The following CDKL5 variants were observed in gnomAD, a reference collection of about 807,000 sequenced individuals.
The protein encoded by CDKL5 is cyclin dependent kinase like 5.
Under a neutral mutation model 61.7 loss-of-function variants are expected in CDKL5, and 8 were observed. The ratio of observed to expected loss-of-function variants is 0.13; its 90% confidence interval spans 0.08 to 0.23. The LOEUF (loss-of-function observed/expected upper bound fraction) is 0.23. CDKL5 is among the 10% of genes least tolerant of loss of function. The probability of loss-of-function intolerance (pLI) is 1.00; values close to 1 mark genes in which losing one functional copy is unlikely to be tolerated. For synonymous variants in CDKL5, 275 were observed against 272.3 expected, an observed-to-expected ratio of 1.01 and a Z score of -0.10; for missense variants, 440 against 734.5, an observed-to-expected ratio of 0.60 and a Z score of 4.63.
intron 1 of CDKL5, among the ~76,000 whole-genome samples, chrX:18,462,925 G>T (rs1932322312): frequency 9.0e-6 from 1 of 111,067 alleles, no homozygotes; most frequent in Non-Finnish European, 1.9e-5. Flanking sequence ...TCAGGAGGCT[G>T]AGGCAGGAGA....
chrX:18,429,288 T>C (rs984667249), intron 1 of CDKL5, among the ~76,000 whole-genome samples: 48 of 111,899 alleles, frequency 4.3e-4, no homozygotes, highest in Non-Finnish European at 7.3e-4. Context: ...CTTAGAAACA[T>C]TGGGGTTTGA....
chrX:18,563,449 T>C (rs1602262969), intron 3 of CDKL5, among the ~76,000 whole-genome samples: 1 of 111,876 alleles, frequency 8.9e-6, no homozygotes, highest in East Asian at 2.8e-4. Context: ...AATGTACAAA[T>C]AAGTTGTACC....
rs753321766 is a variant in CDKL5, at chrX:18,516,628, C to T, written c.99+5774C>T. On this transcript the variant is annotated intron_variant, in intron 3 of 17. Coordinates refer to ENST00000623535, the MANE Select transcript of CDKL5 (RefSeq NM_001323289.2). Reference sequence around the variant, plus strand: ...CTCGAACTCCTGGCCTCAAGCAATCCTCCCATCTTGGCCTCCCAAAGTACT... The same window carrying T: ...CTCGAACTCCTGGCCTCAAGCAATCTTCCCATCTTGGCCTCCCAAAGTACT... 3.5e-3 allele frequency among the ~76,000 whole-genome samples: 385 copies of T among 110,533 alleles called. 2 individuals are homozygous for T. In the Middle Eastern group the frequency reaches 0.046, roughly 13 times the overall value.
intron 5 of CDKL5, among the ~76,000 whole-genome samples, chrX:18,576,641 A>G (rs1177258993): frequency 6.3e-5 from 7 of 110,751 alleles, no homozygotes; most frequent in African/African-American, 2.0e-4. Flanking sequence ...AAAAAAATAC[A>G]TGTAATAATT....
chrX:18,589,764 G>C (rs1395694272), intron 9 of CDKL5: 4 of 112,414 alleles, frequency 3.6e-5, no homozygotes, highest in Non-Finnish European at 5.6e-5. Flanking sequence ...CAGTGTAAAA[G>C]TGTTCCTATT....
intron 1 of CDKL5, among the ~76,000 whole-genome samples, chrX:18,473,788 C>T (rs1921197564): frequency 9.3e-6 from 1 of 107,740 alleles, no homozygotes; most frequent in Non-Finnish European, 1.9e-5. Context: ...TTTCGGCTCA[C>T]TGCAACCTAT....
rs930431718 is a variant in CDKL5, at chrX:18,632,994, G to A, written c.*4237G>A. The A allele has an allele frequency of 4.0e-6, 3 of 752,795 alleles. No homozygotes were observed. The highest frequency in any genetic ancestry group is 4.7e-6 in the Non-Finnish European group (3 of 639,054). 62.0% of individuals were successfully genotyped at this position (752,795 alleles called of 1,213,427 possible). A position where few individuals can be genotyped will look rare whatever the true frequency, so the allele number is the denominator to read the frequency against. ...TGTGTAGAAAGATCTGTCTATTTCTGTTCACCTGGGACCTGGTGGTGACTG... is the reference window on the plus strand; with the variant it reads ...TGTGTAGAAAGATCTGTCTATTTCTATTCACCTGGGACCTGGTGGTGACTG... On this transcript the variant is annotated 3_prime_UTR_variant, in exon 18 of 18. Coordinates refer to ENST00000623535, the MANE Select transcript of CDKL5 (RefSeq NM_001323289.2).
intron 3 of CDKL5, among the ~76,000 whole-genome samples, chrX:18,523,613 T>C (rs1442422346): frequency 8.9e-6 from 1 of 112,139 alleles, no homozygotes; most frequent in Non-Finnish European, 1.9e-5. Context: ...GTATTCGTGC[T>C]GTTACCTGTG....
At chrX:18,583,784 A>G (rs1205287454) in intron 7 of CDKL5, among the ~76,000 whole-genome samples, 1 of 111,782 alleles carries the variant, frequency 8.9e-6, no homozygotes. Flanking sequence ...TGTTTCCATC[A>G]CTGTTTATGT....
chrX:18,531,007 A>C (rs1234393650), intron 3 of CDKL5, among the ~76,000 whole-genome samples: 1 of 112,179 alleles, frequency 8.9e-6, no homozygotes, highest in Non-Finnish European at 1.9e-5. Flanking sequence ...CTCTGTTGAC[A>C]TGATGGGAAG....
At chrX:18,481,901 G>A (rs897706673) in intron 1 of CDKL5, among the ~76,000 whole-genome samples, 1 of 110,451 alleles carries the variant, frequency 9.1e-6, no homozygotes, top group African/African-American at 3.3e-5. Context: ...AGGCTGCGAG[G>A]GGTGGCAGGG....
chrX:18,516,552 T>C lies in CDKL5; in HGVS notation c.99+5698T>C, dbSNP rs752320988. Reference sequence around the variant, plus strand: ...GGAAAAACTACAAATGCTGCTGTTGTCTTTTTTTTTTTCTAATAAGATAGG... The same window carrying C: ...GGAAAAACTACAAATGCTGCTGTTGCCTTTTTTTTTTTCTAATAAGATAGG... On this transcript the variant is annotated intron_variant, in intron 3 of 17. Transcript: ENST00000623535. 4.5e-5 allele frequency among the ~76,000 whole-genome samples: 5 copies of C among 110,288 alleles called. No homozygotes were observed. The South Asian group carries it at 2.0e-3, about 43-fold the overall frequency.
intron 2 of CDKL5, among the ~76,000 whole-genome samples, chrX:18,508,617 A>G (rs1922672083): frequency 9.1e-6 from 1 of 110,468 alleles, no homozygotes; most frequent in Non-Finnish European, 1.9e-5. Flanking sequence ...GATCATAACT[A>G]GTTTTTCTCA....
At chrX:18,653,585 C>T in exon 22 of CDKL5, 1 of 1,188,805 alleles carries the variant, frequency 8.4e-7, no homozygotes, top group Non-Finnish European at 1.1e-6. Context: ...CCTGAATCAC[C>T]TCTCTCATGG....
chrX:18,557,341 ATAATT>A (rs1377419279), intron 3 of CDKL5, among the ~76,000 whole-genome samples: 2 of 112,146 alleles, frequency 1.8e-5, no homozygotes, highest in African/African-American at 6.5e-5. Context: ...TAATCAAAAG[ATAATT>A]TAAAGTATAT....
chrX:18,525,691 C>T (rs1317793721), intron 3 of CDKL5, among the ~76,000 whole-genome samples: 1 of 108,241 alleles, frequency 9.2e-6, no homozygotes, highest in Non-Finnish European at 1.9e-5. Context: ...ATTGGGATTG[C>T]ATTGAATCTG....
chrX:18,520,787 G>A (rs1009393695), intron 3 of CDKL5, among the ~76,000 whole-genome samples: 2 of 111,300 alleles, frequency 1.8e-5, no homozygotes, highest in Non-Finnish European at 3.8e-5. Flanking sequence ...TCACTCTGTC[G>A]CCCAGGCTGG....
At chrX:18,546,500 T>C (rs1924206332) in intron 3 of CDKL5, among the ~76,000 whole-genome samples, 1 of 111,309 alleles carries the variant, frequency 9.0e-6, no homozygotes, top group Non-Finnish European at 1.9e-5. Flanking sequence ...TGACCTCAGG[T>C]GATCCACCTG....
chrX:18,467,258 C>T lies in CDKL5; in HGVS notation c.-162-39677C>T, dbSNP rs762335295. Among the ~76,000 whole-genome samples, 3 of 111,422 alleles carry T rather than the reference C, an allele frequency of 2.7e-5. No homozygotes were observed. In the South Asian group the frequency reaches 1.2e-3, roughly 43 times the overall value. ...ATAAGGAACATCTGAGCCCCCAGGC[C>T]AGTCCTGTGGATCCTGGGCTTTGCC... On this transcript the variant is annotated intron_variant, in intron 1 of 17. Coordinates refer to ENST00000623535, the MANE Select transcript of CDKL5 (RefSeq NM_001323289.2).
Sources: allele counts gnomAD v4.1 joint callset (sites outside exome capture counted in the v4.1 genomes callset), GRCh38; gene constraint gnomAD v4.1.1; transcripts MANE v1.5; gene names NCBI Gene and HGNC (gene_info 2026-07-23, HGNC 2026-07-21).